SFMBT1: variants seen among roughly 807,000 people sequenced by gnomAD.
SFMBT1 encodes Scm like with four mbt domains 1.
In SFMBT1, 32 loss-of-function variants were observed where a neutral mutation model predicts 108.7. The observed-to-expected ratio is 0.29, with a 90% CI of 0.22 to 0.40. The LOEUF (loss-of-function observed/expected upper bound fraction) is 0.40, where lower values mean the gene tolerates loss of function less well. Among genes scored for constraint, SFMBT1 ranks in the 10% least tolerant of loss-of-function variants. SFMBT1 has a pLI of 1.00. For synonymous variants in SFMBT1, 348 were observed against 369.5 expected, an observed-to-expected ratio of 0.94 and a Z score of 0.67; for missense variants, 816 against 1,059.6, an observed-to-expected ratio of 0.77 and a Z score of 3.19.
intron 3 of SFMBT1, among the ~76,000 whole-genome samples, chr3:52,951,468 G>A (rs1703590685): frequency 6.6e-6 from 1 of 150,832 alleles, no homozygotes; most frequent in African/African-American, 2.4e-5. Flanking sequence ...CCAGGCTGGA[G>A]TGCAGTGGCA....
intron 1 of SFMBT1, among the ~76,000 whole-genome samples, chr3:53,033,030 AG>A (rs1699740974): frequency 6.6e-6 from 1 of 152,174 alleles, no homozygotes; most frequent in Non-Finnish European, 1.5e-5. Context: ...TTTATGGGCC[AG>A]GTGCAAGAGC....
At chr3:52,920,208 T>G (rs149553441) in intron 12 of SFMBT1, among the ~76,000 whole-genome samples, 1 of 152,294 alleles carries the variant, frequency 6.6e-6, no homozygotes, top group African/African-American at 2.4e-5. Flanking sequence ...TAGAATGCAC[T>G]AAGACACTTG....
chr3:53,022,763 G>A (rs767768096), intron 1 of SFMBT1, among the ~76,000 whole-genome samples: 2 of 152,108 alleles, frequency 1.3e-5, no homozygotes, highest in East Asian at 1.9e-4. Flanking sequence ...GGGGTGGAGC[G>A]GGAAATGGGA....
intron 1 of SFMBT1, among the ~76,000 whole-genome samples, chr3:52,981,924 G>C (rs1000162535): frequency 6.6e-6 from 1 of 152,130 alleles, no homozygotes; most frequent in East Asian, 1.9e-4. Context: ...TGGACAAAAA[G>C]AACCCTTTTT....
At chr3:52,906,002 T>C in intron 20 of SFMBT1, 111 bp downstream of exon 20, 1 of 1,246,788 alleles carries the variant, frequency 8.0e-7, no homozygotes, top group Non-Finnish European at 1.1e-6. Flanking sequence ...ACAATTCTTG[T>C]CTTTTGGATC....
At chr3:52,911,546 T>C (rs989790472) in intron 16 of SFMBT1, among the ~76,000 whole-genome samples, 4 of 152,226 alleles carry the variant, frequency 2.6e-5, no homozygotes, top group Non-Finnish European at 4.4e-5. Flanking sequence ...AGGACCAGTA[T>C]GACCTGCCAA....
rs1702025010 is a variant in SFMBT1, at chr3:52,904,811, A to G, written c.*325T>C. ...GAAAACAACCAAAAGGGTGCTTTCC[A>G]GCAGCCTAGGTTATTCTTTGTTTTC... is the stretch of plus-strand genomic sequence containing the variant. On this transcript the variant is annotated 3_prime_UTR_variant, in exon 21 of 21. Coordinates refer to ENST00000394752, the MANE Select transcript of SFMBT1 (RefSeq NM_016329.4). The G allele has an allele frequency of 4.6e-6, 1 of 215,364 alleles. No individual in the cohort carries two copies. Among genetic ancestry groups the G allele is most frequent in the South Asian group, 1.3e-4 (1 of 7,906 alleles). The allele number at this position is 215,364 out of a possible 1,614,324, so 13.3% of individuals were successfully genotyped here. A position where few individuals can be genotyped will look rare whatever the true frequency, so the allele number is the denominator to read the frequency against.
intron 1 of SFMBT1, among the ~76,000 whole-genome samples, chr3:53,044,202 C>A (rs748759884): frequency 4.6e-5 from 7 of 152,166 alleles, no homozygotes. Context: ...ACACACATTG[C>A]GAGCACTTTT....
intron 1 of SFMBT1, among the ~76,000 whole-genome samples, chr3:52,984,988 T>C (rs977905665): frequency 6.6e-6 from 1 of 152,156 alleles, no homozygotes; most frequent in Non-Finnish European, 1.5e-5. Flanking sequence ...TACCAGAATA[T>C]GTCAAAAGCA....
intron 3 of SFMBT1, among the ~76,000 whole-genome samples, chr3:52,950,345 C>T (rs545892275): frequency 9.8e-4 from 149 of 152,220 alleles, no homozygotes; most frequent in South Asian, 5.0e-3. Flanking sequence ...TTTAAAAAAC[C>T]CTTATAATAA....
intron 1 of SFMBT1, among the ~76,000 whole-genome samples, chr3:53,040,968 ATTTTTTTTTTTTTTTTTTTTTTT>A (rs57640588): frequency 2.2e-5 from 1 of 46,360 alleles, no homozygotes; most frequent in Non-Finnish European, 4.0e-5. Context: ...AGACACCTGA[ATTTTTTTTTTTTTTTTTTTTTTT>A]TTTTTTTTTT....
chr3:52,943,210 A>G (rs1269134760), intron 4 of SFMBT1, 143 bp downstream of exon 4: 2 of 958,462 alleles, frequency 2.1e-6, no homozygotes, highest in Non-Finnish European at 3.1e-6. Flanking sequence ...ATTATTCCTT[A>G]TAAATATTTT....
chr3:52,941,942 T>C (rs1703197238), intron 4 of SFMBT1, among the ~76,000 whole-genome samples: 2 of 152,092 alleles, frequency 1.3e-5, no homozygotes, highest in Admixed American at 1.3e-4. Flanking sequence ...GTTATTGGAA[T>C]AGCTGGTAAA....
chr3:53,016,331 A>G (rs1179708944), intron 1 of SFMBT1, among the ~76,000 whole-genome samples: 3 of 152,202 alleles, frequency 2.0e-5, no homozygotes, highest in African/African-American at 7.2e-5. Context: ...AGATTGCCTC[A>G]AGCCAAAGAC....
chr3:53,007,241 T>G (rs1301152106), intron 1 of SFMBT1, among the ~76,000 whole-genome samples: 1 of 152,230 alleles, frequency 6.6e-6, no homozygotes, highest in Non-Finnish European at 1.5e-5. Context: ...ACTTAGCACT[T>G]TCTAAACAAG....
At chr3:52,931,948 T>C (rs912065796) in intron 6 of SFMBT1, 114 bp downstream of exon 6, 21 of 1,213,082 alleles carry the variant, frequency 1.7e-5, no homozygotes, top group Non-Finnish European at 2.4e-5. Flanking sequence ...ATAGCTCTAT[T>C]ATGAGAACTA....
chr3:52,954,260 CAG>C, intron 3 of SFMBT1, 55 bp downstream of exon 3: 1 of 1,244,150 alleles, frequency 8.0e-7, no homozygotes. Flanking sequence ...AATGATAATA[CAG>C]AGATTCGAAA....
chr3:53,043,534 T>C (rs1700121153), intron 1 of SFMBT1, among the ~76,000 whole-genome samples: 1 of 152,236 alleles, frequency 6.6e-6, no homozygotes, highest in Non-Finnish European at 1.5e-5. Flanking sequence ...CTGATTCATC[T>C]ACTGACACCT....
rs544763294 is a variant in SFMBT1, at chr3:52,986,248, G to C, written c.-130-16990C>G. 2.0e-5 allele frequency among the ~76,000 whole-genome samples: 3 copies of C among 152,186 alleles called. No individual in the cohort carries two copies. In the South Asian group the frequency reaches 6.2e-4, roughly 32 times the overall value. On this transcript the variant is annotated intron_variant, in intron 1 of 20. Transcript: ENST00000394752. Reference sequence around the variant, plus strand: ...AGTTGTTCTGGGTGAGTCAGTCAGTGGTGAGTGAATGTGAAGGCCTGGGAT... The same window carrying C: ...AGTTGTTCTGGGTGAGTCAGTCAGTCGTGAGTGAATGTGAAGGCCTGGGAT...
Sources: allele counts gnomAD v4.1 joint callset (sites outside exome capture counted in the v4.1 genomes callset), GRCh38; gene constraint gnomAD v4.1.1; transcripts MANE v1.5; gene names NCBI Gene and HGNC (gene_info 2026-07-23, HGNC 2026-07-21).